MYCBP2: variants seen among roughly 807,000 people sequenced by gnomAD.
MYCBP2 encodes MYC binding protein 2.
Under a neutral mutation model 525.3 loss-of-function variants are expected in MYCBP2, and 120 were observed. The ratio of observed to expected loss-of-function variants is 0.23; its 90% confidence interval spans 0.20 to 0.27. The LOEUF (loss-of-function observed/expected upper bound fraction) is 0.27. MYCBP2 is among the 10% of genes least tolerant of loss of function. The pLI, the probability that MYCBP2 is intolerant of heterozygous loss-of-function variation, is 1.00. For missense variants in MYCBP2, 4,149 were observed against 5,657.1 expected (o/e 0.73, Z 8.55); for synonymous variants, 1,894 against 1,955.8 (o/e 0.97, Z 0.83).
chr13:77,253,723 C>A (rs186614889), intron 14 of MYCBP2, among the ~76,000 whole-genome samples: 35 of 152,048 alleles, frequency 2.3e-4, no homozygotes, highest in Admixed American at 1.9e-3. Flanking sequence ...GCATATTATA[C>A]TTCAATGTAA....
chr13:77,132,905 C>A (rs1007442519), intron 52 of MYCBP2, among the ~76,000 whole-genome samples: 5 of 152,160 alleles, frequency 3.3e-5, no homozygotes, highest in African/African-American at 1.2e-4. Context: ...GCAGATTCCA[C>A]ATCTTCAGAA....
chr13:77,150,675 G>T, intron 47 of MYCBP2, 59 bp downstream of exon 47: 1 of 1,396,006 alleles, frequency 7.2e-7, no homozygotes, highest in Non-Finnish European at 1.0e-6. Flanking sequence ...TCACTGAAAT[G>T]TTGGTTAAAT....
chr13:77,074,002 G>C (rs74239789), intron 68 of MYCBP2, among the ~76,000 whole-genome samples: 524 of 106,464 alleles, frequency 4.9e-3, no homozygotes, highest in African/African-American at 0.01. Flanking sequence ...CATCCCCACC[G>C]CCCCCCCCCC....
chr13:77,261,998 T>C (rs11149063), intron 11 of MYCBP2, 55 bp downstream of exon 11: 99,780 of 1,381,916 alleles, frequency 0.072, 4,120 homozygotes, highest in African/African-American at 0.16. Flanking sequence ...ACAGATTGTA[T>C]TTTAATCTCT....
At chr13:77,206,499 G>C (rs946222448) in intron 24 of MYCBP2, among the ~76,000 whole-genome samples, 154 bp downstream of exon 24, 4 of 151,886 alleles carry the variant, frequency 2.6e-5, no homozygotes, top group African/African-American at 7.3e-5. Context: ...ATTGTTTTCT[G>C]TGGAATTAGC....
chr13:77,268,735 C>T (rs961657250), intron 7 of MYCBP2, among the ~76,000 whole-genome samples: 6 of 151,468 alleles, frequency 4.0e-5, no homozygotes, highest in Admixed American at 6.6e-5. Context: ...GCTGAGATCA[C>T]GCCACTGCAT....
At chr13:77,112,714 T>C (rs565209260) in intron 55 of MYCBP2, among the ~76,000 whole-genome samples, 10 of 152,164 alleles carry the variant, frequency 6.6e-5, no homozygotes, top group Non-Finnish European at 1.2e-4. Context: ...GCTGGGAATA[T>C]AGGTGTGAGC....
rs78310772 is a variant in MYCBP2 at position 77,174,745 on chromosome 13, T to C, written c.5473-256A>G. 1.9e-3 allele frequency among the ~76,000 whole-genome samples: 285 copies of C among 149,498 alleles called. 9 individuals are homozygous for C. The East Asian group carries it at 0.055, about 29-fold the overall frequency. Reference sequence around the variant, plus strand: ...AATGACCTCATAAGGTAAGTATCATTACTATCCCTATTTTACAGATGAGGA... The same window carrying C: ...AATGACCTCATAAGGTAAGTATCATCACTATCCCTATTTTACAGATGAGGA... On this transcript the variant is annotated intron_variant, in intron 36 of 82. Coordinates refer to ENST00000544440, the MANE Select transcript of MYCBP2 (RefSeq NM_015057.5).
Position 77,206,653 on chromosome 13 carries a change from C to A in MYCBP2, c.3589G>T (p.Gly1197Cys). The A allele has an allele frequency of 6.4e-7, 1 of 1,571,890 alleles. No homozygotes were observed. The highest frequency in any genetic ancestry group is 8.6e-7 in the Non-Finnish European group (1 of 1,157,970). The change falls in exon 24 of 83, where the codon GGT (glycine) becomes TGT (cysteine). Residue 1197 changes from glycine to cysteine, a missense_variant and splice_region_variant. Physicochemically the swap from Gly to Cys is radical, Grantham distance 159. Around this residue, in one of 21 missense-constraint regions of MYCBP2, gnomAD observed 620 missense variants for 795.5 expected, o/e 0.78. Transcript: ENST00000544440. ...TRSHAALHILGCLDTLAAMQD... is the reference protein window; with the variant it reads ...TRSHAALHILCCLDTLAAMQD... ...ATGGTACATCAAATCGCAACCCTAC[C>A]TAAAATGTGCAAAGCTGCATGAGAT...
rs1442651902 is a variant in MYCBP2, at chr13:77,132,536, G to A, written c.7660-5994C>T. 2.0e-5 allele frequency among the ~76,000 whole-genome samples: 3 copies of A among 152,162 alleles called. 1 individual carries two copies. The highest frequency in any genetic ancestry group is 2.0e-4 in the Admixed American group (3 of 15,284). Reference sequence around the variant, plus strand: ...AAAATAAGAAGTAATCTGTATAAATGCATGGAGATATACAGAAACTCAATT... The same window carrying A: ...AAAATAAGAAGTAATCTGTATAAATACATGGAGATATACAGAAACTCAATT... On this transcript the variant is annotated intron_variant, in intron 52 of 82. Coordinates refer to ENST00000544440, the MANE Select transcript of MYCBP2 (RefSeq NM_015057.5).
intron 36 of MYCBP2, 117 bp from the exon 37 acceptor site, chr13:77,174,606 T>A (rs1214459610): frequency 1.4e-6 from 1 of 735,972 alleles, no homozygotes; most frequent in African/African-American, 1.8e-5. Context: ...TTACAGATGA[T>A]ATAATTAAAT....
chr13:77,303,991 A>ATTGTT (rs1410841240), intron 1 of MYCBP2, among the ~76,000 whole-genome samples: 2 of 152,190 alleles, frequency 1.3e-5, no homozygotes, highest in Non-Finnish European at 2.9e-5. Context: ...AATAAATGCT[A>ATTGTT]TTGAAGATGT....
intron 1 of MYCBP2, among the ~76,000 whole-genome samples, chr13:77,298,718 C>A (rs2078455163): frequency 6.6e-6 from 1 of 152,140 alleles, no homozygotes; most frequent in Non-Finnish European, 1.5e-5. Flanking sequence ...TTATTTTGCA[C>A]AGACTTTAGT....
chr13:77,177,644 T>C, intron 35 of MYCBP2, 104 bp downstream of exon 35: 11 of 917,336 alleles, frequency 1.2e-5, no homozygotes, highest in Non-Finnish European at 1.9e-5. Flanking sequence ...TTTAGTGTCA[T>C]TCATCAGTGA....
In MYCBP2 at chr13:77,251,157, G is replaced by A; in HGVS notation, c.2375C>T (p.Pro792Leu). 2 of 1,613,752 alleles carry A rather than the reference G, an allele frequency of 1.2e-6. No homozygotes were observed. Among genetic ancestry groups the A allele is most frequent in the East Asian group, 2.2e-5 (1 of 44,874 alleles). ...AGGAATCATTGTCTCTTACCCTCCG[G>A]GGACTCTGTCTGGCCGTCCACTACT... Reference protein sequence around the residue: ...CVSSGRPDRVPGGICGCGSGE... With the variant: ...CVSSGRPDRVLGGICGCGSGE... Residue 792 changes from proline (P) to leucine (L), a missense_variant, in exon 15 of 83, where the codon CCC becomes CTC. Coordinates refer to ENST00000544440, the MANE Select transcript of MYCBP2 (RefSeq NM_015057.5).
At chr13:77,319,284 T>G (rs1309584799) in intron 1 of MYCBP2, among the ~76,000 whole-genome samples, 1 of 152,136 alleles carries the variant, frequency 6.6e-6, no homozygotes, top group Non-Finnish European at 1.5e-5. Context: ...CCCCTCTAGC[T>G]AGTAGAAGAA....
At chr13:77,301,984 T>C (rs1345960330) in intron 1 of MYCBP2, among the ~76,000 whole-genome samples, 1 of 150,778 alleles carries the variant, frequency 6.6e-6, no homozygotes, top group Non-Finnish European at 1.5e-5. Context: ...AGGCCAAAAA[T>C]AAATAAATAA....
At chr13:77,210,298 T>C (rs1047810360) in intron 23 of MYCBP2, among the ~76,000 whole-genome samples, 1 of 151,600 alleles carries the variant, frequency 6.6e-6, no homozygotes, top group Non-Finnish European at 1.5e-5. Flanking sequence ...GTTCACGCCA[T>C]TCTCCTGCCT....
Position 77,278,898 on chromosome 13 carries a change from C to A in MYCBP2, c.608G>T (p.Gly203Val). 1 of 1,575,802 alleles carries A rather than the reference C, an allele frequency of 6.3e-7. No homozygotes were observed. The highest frequency in any genetic ancestry group is 8.6e-7 in the Non-Finnish European group (1 of 1,163,532). ...PIKLPKIIEV[G>V]LCEVFELIKE... ...GATCAATTCAAAAACTTCACAAAGG[C>A]CAACCTCAATAATCTATTTAAAAGG... The change falls in exon 4 of 83, where the codon GGC becomes GTC. Residue 203 changes from glycine to valine, a missense_variant. Physicochemically the swap from Gly to Val is moderately radical, Grantham distance 109 (BLOSUM62 -3). Around this residue, in one of 21 missense-constraint regions of MYCBP2, gnomAD observed 413 missense variants for 451.2 expected, o/e 0.92. Coordinates refer to ENST00000544440, the MANE Select transcript of MYCBP2 (RefSeq NM_015057.5).
Sources: allele counts gnomAD v4.1 joint callset (sites outside exome capture counted in the v4.1 genomes callset), GRCh38; gene constraint gnomAD v4.1.1; regional missense constraint gnomAD v4.1.1; transcripts MANE v1.5; gene names NCBI Gene and HGNC (gene_info 2026-07-23, HGNC 2026-07-21).